SARNP: variants seen among roughly 807,000 people sequenced by gnomAD.
SARNP encodes SAP domain-containing ribonucleoprotein.
A neutral mutation model predicts 38.1 loss-of-function variants in SARNP; 5 were observed. That is an observed-to-expected ratio of 0.13 (90% CI 0.07 to 0.28). The LOEUF (loss-of-function observed/expected upper bound fraction) is 0.28. Among genes scored for constraint, SARNP ranks in the 10% least tolerant of loss-of-function variants. The pLI is 1.00. For synonymous variants in SARNP, 84 were observed against 80.6 expected (o/e 1.04, Z -0.23); for missense variants, 180 against 243.9 (o/e 0.74, Z 1.75).
chr12:55,791,087 C>A (rs187687310), intron 7 of SARNP, among the ~76,000 whole-genome samples: 38 of 152,220 alleles, frequency 2.5e-4, no homozygotes, highest in African/African-American at 9.1e-4. Flanking sequence ...AATCCAGTCA[C>A]AAAAGACAAT....
chr12:55,807,749 GC>G (rs1880197037), intron 1 of SARNP, among the ~76,000 whole-genome samples: 1 of 150,862 alleles, frequency 6.6e-6, no homozygotes, highest in Non-Finnish European at 1.5e-5. Flanking sequence ...GGGAGGCGGA[GC>G]TTGCAGTGAG....
At chr12:55,759,096 A>G (rs780701429) in intron 10 of SARNP, among the ~76,000 whole-genome samples, 5 of 151,804 alleles carry the variant, frequency 3.3e-5, no homozygotes, top group Non-Finnish European at 7.4e-5. Flanking sequence ...TGCCCAGGCT[A>G]GTCTCCAACT....
In SARNP at chr12:55,773,897, G is replaced by A. The variant is rs142190809; in HGVS notation, c.502-13257C>T. ...TAATTTTTGTATTTTTAGTAGAGAC[G>A]GGGTTTCACCATGTTGGCCAGGCTG... On this transcript the variant is annotated intron_variant, in intron 9 of 10. Coordinates refer to ENST00000336133, the MANE Select transcript of SARNP (RefSeq NM_033082.4). Among the ~76,000 whole-genome samples, 555 of 152,108 alleles carry A rather than the reference G, an allele frequency of 3.6e-3. 1 individual carries two copies. The highest frequency in any genetic ancestry group is 9.8e-3 in the South Asian group (47 of 4,808).
downstream of SARNP, chr12:55,755,518 G>A (rs2136172301): frequency 6.6e-6 from 1 of 152,266 alleles, no homozygotes; most frequent in African/African-American, 2.4e-5. Context: ...TCTGGATGCT[G>A]GATCAACTAT....
At chr12:55,766,869 G>A (rs965723561) in intron 9 of SARNP, among the ~76,000 whole-genome samples, 3 of 151,030 alleles carry the variant, frequency 2.0e-5, no homozygotes, top group African/African-American at 4.9e-5. Context: ...CAATCTACCC[G>A]CCTCTGCCGC....
intron 7 of SARNP, chr12:55,793,573 C>A (rs1422472187): frequency 6.6e-6 from 1 of 151,568 alleles, no homozygotes; most frequent in Admixed American, 6.6e-5. Flanking sequence ...ATTTCTGAAC[C>A]GCATTTGGTT....
At chr12:55,765,247 T>C (rs1352473600) in intron 9 of SARNP, among the ~76,000 whole-genome samples, 3 of 152,196 alleles carry the variant, frequency 2.0e-5, no homozygotes, top group Non-Finnish European at 2.9e-5. Context: ...CCCCAACGTA[T>C]GTCCACTTGG....
At chr12:55,782,873 G>A (rs899968602) in intron 9 of SARNP, among the ~76,000 whole-genome samples, 7 of 152,232 alleles carry the variant, frequency 4.6e-5, no homozygotes, top group African/African-American at 1.4e-4. Flanking sequence ...CACTTTGGGA[G>A]GCTGAGGCTG....
intron 1 of SARNP, among the ~76,000 whole-genome samples, chr12:55,809,283 GAAA>G (rs1022795724): frequency 2.1e-5 from 3 of 144,298 alleles, no homozygotes; most frequent in Admixed American, 7.0e-5. Context: ...TAAGGCTATT[GAAA>G]AAAAAAAATT....
intron 9 of SARNP, among the ~76,000 whole-genome samples, chr12:55,777,032 A>T (rs1879201188): frequency 6.6e-6 from 1 of 152,200 alleles, no homozygotes. Context: ...GTTTTTTATC[A>T]AAGTCATCAG....
Position 55,789,153 on chromosome 12 carries a change from C to A in SARNP, c.433-10G>T. The A allele has an allele frequency of 6.4e-7, 1 of 1,569,750 alleles. No individual in the cohort carries two copies. Among genetic ancestry groups the A allele is most frequent in the African/African-American group, 1.4e-5 (1 of 72,684 alleles). On this transcript the variant is annotated splice_polypyrimidine_tract_variant and intron_variant, in intron 8 of 10. Coordinates refer to ENST00000336133, the MANE Select transcript of SARNP (RefSeq NM_033082.4). ...GCTTATCCAAGTTAACCTATAAAAA[C>A]ATAGGGGAAAGAACATAGTTTTAAA...
chr12:55,776,445 A>G (rs1310909734), intron 9 of SARNP, among the ~76,000 whole-genome samples: 1 of 152,224 alleles, frequency 6.6e-6, no homozygotes, highest in African/African-American at 2.4e-5. Flanking sequence ...AAACAAAAAA[A>G]TAGCATAGTA....
chr12:55,770,226 A>G (rs748286023), intron 9 of SARNP, among the ~76,000 whole-genome samples: 1 of 150,624 alleles, frequency 6.6e-6, no homozygotes, highest in Non-Finnish European at 1.5e-5. Context: ...TTATAACTAG[A>G]ATTTTTTTTT....
intron 1 of SARNP, among the ~76,000 whole-genome samples, chr12:55,805,342 C>T (rs1325314731): frequency 6.6e-6 from 1 of 152,222 alleles, no homozygotes; most frequent in Non-Finnish European, 1.5e-5. Flanking sequence ...GGCAGGGATG[C>T]TATGAACAGA....
At chr12:55,801,606 A>G (rs953485521) in intron 2 of SARNP, among the ~76,000 whole-genome samples, 1 of 152,190 alleles carries the variant, frequency 6.6e-6, no homozygotes, top group Non-Finnish European at 1.5e-5. Context: ...AAGAAACTTA[A>G]AAGACAAATG....
chr12:55,798,691 G>A (rs1469013639), intron 4 of SARNP, among the ~76,000 whole-genome samples: 1 of 152,048 alleles, frequency 6.6e-6, no homozygotes, highest in Non-Finnish European at 1.5e-5. Context: ...CAGAAGACTG[G>A]TGAAATAAAT....
At chr12:55,800,510 T>C in intron 4 of SARNP, 52 bp downstream of exon 4, 1 of 1,223,120 alleles carries the variant, frequency 8.2e-7, no homozygotes, top group South Asian at 1.3e-5. Context: ...TTAAATACAT[T>C]AAGAAAAGAG....
At chr12:55,771,747 G>A (rs1203174117) in intron 9 of SARNP, among the ~76,000 whole-genome samples, 2 of 152,134 alleles carry the variant, frequency 1.3e-5, no homozygotes, top group Non-Finnish European at 2.9e-5. Context: ...ATAGTTCTCA[G>A]GCCAGTCTGA....
chr12:55,756,908 G>GA (rs1365600096), downstream of SARNP: 2 of 152,152 alleles, frequency 1.3e-5, no homozygotes, highest in Non-Finnish European at 2.9e-5. Flanking sequence ...TTTTATCCAA[G>GA]AAAAAGTCTG....
Sources: allele counts gnomAD v4.1 joint callset (sites outside exome capture counted in the v4.1 genomes callset), GRCh38; gene constraint gnomAD v4.1.1; transcripts MANE v1.5; gene names NCBI Gene and HGNC (gene_info 2026-07-23, HGNC 2026-07-21).